Variants in PRAMEF15 observed in about 807,000 individuals in gnomAD.
PRAMEF15 encodes the protein PRAME family member 9/15.
PRAMEF15 carries 21 observed loss-of-function variants against 35.3 expected under a neutral mutation model. That is an observed-to-expected ratio of 0.59 (90% CI 0.42 to 0.86). PRAMEF15 has a LOEUF of 0.86. Ranked by LOEUF, PRAMEF15 falls within the 40% of genes least tolerant of loss-of-function variation. The pLI is 0.00. For synonymous variants in PRAMEF15, 122 were observed against 223.3 expected, an observed-to-expected ratio of 0.55 and a Z score of 4.05; for missense variants, 360 against 574.1, an observed-to-expected ratio of 0.63 and a Z score of 3.81.
At chr1:13,317,675 G>A (rs1279282624) in intron 1 of PRAMEF15, among the ~76,000 whole-genome samples, 1 of 151,666 alleles carries the variant, frequency 6.6e-6, no homozygotes, top group South Asian at 2.1e-4. Flanking sequence ...AACTTGGGAG[G>A]CTGAGGAGGA....
In PRAMEF15 at chr1:13,317,229, C is replaced by A. The variant is rs1326606377; in HGVS notation, c.-16-1163C>A. Among the ~76,000 whole-genome samples, 169 of 151,698 alleles carry A rather than the reference C, an allele frequency of 1.1e-3. 1 individual carries two copies. The Middle Eastern group carries it at 0.02, about 18-fold the overall frequency. ...GGACTACAGGCGCAGACCACTGCAC[C>A]TGGCTAATTTTTGCTGTCTTAGTAG... On this transcript the variant is annotated intron_variant, in intron 1 of 3. Coordinates refer to ENST00000376152, the MANE Select transcript of PRAMEF15 (RefSeq NM_001098376.3).
intron 3 of PRAMEF15, 144 bp downstream of exon 3, chr1:13,320,097 C>T: frequency 6.5e-7 from 1 of 1,543,966 alleles, no homozygotes; most frequent in Non-Finnish European, 8.7e-7. Context: ...CTGTTGGTGG[C>T]CCTGTCCTGA....
chr1:13,316,794 AG>A (rs1189370877), intron 1 of PRAMEF15, among the ~76,000 whole-genome samples: 1 of 151,818 alleles, frequency 6.6e-6, no homozygotes, highest in African/African-American at 2.4e-5. Flanking sequence ...GATGTGGCCA[AG>A]GATCCCTCAA....
rs1349596593 is a variant in PRAMEF15, at chr1:13,321,755, G to C, written c.928G>C (p.Glu310Gln). ...VLTITNCVLL[E>Q]SDLKHLSQCP... is the part of the protein sequence containing the mutation. ...CACAATAACTAACTGTGTGCTTTTG[G>C]AATCAGACTTGAAGCATCTATCCCA... is the stretch of plus-strand genomic sequence containing the variant. Residue 310 changes from glutamate (E) to glutamine (Q), a missense_variant, in exon 4 of 4, where the codon GAA (glutamate) becomes CAA (glutamine). Transcript: ENST00000376152. 6.2e-7 allele frequency: 1 copy of C among 1,609,140 alleles called. No individual in the cohort carries two copies. Among genetic ancestry groups the C allele is most frequent in the Non-Finnish European group, 8.5e-7 (1 of 1,177,918 alleles).
intron 1 of PRAMEF15, among the ~76,000 whole-genome samples, chr1:13,317,665 A>T (rs1553184829): frequency 0.046 from 6,886 of 150,150 alleles, 288 homozygotes; most frequent in East Asian, 0.24. Context: ...TGGTCCCAGC[A>T]ACTTGGGAGG....
intron 1 of PRAMEF15, among the ~76,000 whole-genome samples, chr1:13,318,054 T>C (rs1640029583): frequency 6.6e-6 from 1 of 152,068 alleles, no homozygotes; most frequent in Admixed American, 6.6e-5. Flanking sequence ...GACACTCCCA[T>C]TCCCATTGTT....
At position 13,319,353 on chromosome 1, in the gene PRAMEF15, C is replaced by T. The variant is rs4093538; in HGVS notation, c.294-19C>T. 468 of 1,608,520 alleles carry T rather than the reference C, an allele frequency of 2.9e-4. 6 individuals carry two copies. The African/African-American group carries it at 4.7e-3, about 16-fold the overall frequency. Reference sequence around the variant, plus strand: ...AAATGAGTTCTTAAATTCTCAGTCTCACCTCTATTTTGCCACAGGAGGTGG... The same window carrying T: ...AAATGAGTTCTTAAATTCTCAGTCTTACCTCTATTTTGCCACAGGAGGTGG... On this transcript the variant is annotated intron_variant, in intron 2 of 3. Transcript: ENST00000376152.
chr1:13,322,032 G>A lies in PRAMEF15; in HGVS notation c.1205G>A (p.Ser402Asn). Residue 402 changes from serine (S) to asparagine (N), a missense_variant, in exon 4 of 4, where the codon AGC (serine) becomes AAC (asparagine). This residue lies in a region of PRAMEF15 where 147 missense variants were observed against 123.5 expected (regional missense o/e 1.19). Transcript: ENST00000376152. ...ICMATLENLL[S>N]HTIILKNLCV... ...ATGGCCACCCTGGAGAACCTGCTGA[G>A]CCACACAATCATACTCAAAAACTTA... The A allele has an allele frequency of 6.2e-7, 1 of 1,609,924 alleles. No homozygotes were observed. Among genetic ancestry groups the A allele is most frequent in the Non-Finnish European group, 8.5e-7 (1 of 1,178,934 alleles).
chr1:13,319,012 T>A (rs1481789946), intron 2 of PRAMEF15, among the ~76,000 whole-genome samples: 1 of 151,804 alleles, frequency 6.6e-6, no homozygotes, highest in Admixed American at 6.6e-5. Flanking sequence ...CTGTCCAACA[T>A]GGTAAACCCC....
intron 1 of PRAMEF15, among the ~76,000 whole-genome samples, chr1:13,315,930 T>G (rs1453912147): frequency 6.6e-6 from 1 of 151,650 alleles, no homozygotes; most frequent in African/African-American, 2.4e-5. Context: ...GAGGCCAAAG[T>G]GGGAGGATCA....
intron 1 of PRAMEF15, among the ~76,000 whole-genome samples, chr1:13,317,111 C>A (rs1219273102): frequency 1.3e-5 from 2 of 151,622 alleles, no homozygotes; most frequent in East Asian, 2.0e-4. Context: ...AGCCTATTCC[C>A]CAGGCTGGAG....
chr1:13,318,097 A>G (rs1351940380), intron 1 of PRAMEF15, among the ~76,000 whole-genome samples: 16 of 152,016 alleles, frequency 1.1e-4, no homozygotes, highest in Non-Finnish European at 1.6e-4. Flanking sequence ...ATTTCCCCCA[A>G]TGGTAGGAGG....
In PRAMEF15 at chr1:13,322,078, C is replaced by G; in HGVS notation, c.1251C>G (p.Ala417=). Residue 417 remains alanine (A), a synonymous_variant, in exon 4 of 4, where the codon GCC becomes GCG. Transcript: ENST00000376152. The part of the protein sequence containing the change: ...LKNLCVELYP[A]PRESYGADGT... Reference sequence around the variant, plus strand: ...ACTTATGTGTGGAGCTGTATCCTGCCCCCCGAGAGAGTTATGGTGCTGATG... The same window carrying G: ...ACTTATGTGTGGAGCTGTATCCTGCGCCCCGAGAGAGTTATGGTGCTGATG... 1.2e-6 allele frequency: 2 copies of G among 1,609,026 alleles called. No homozygotes were observed. The highest frequency in any genetic ancestry group is 1.3e-5 in the African/African-American group (1 of 74,686).
intron 3 of PRAMEF15, among the ~76,000 whole-genome samples, chr1:13,321,396 G>T (rs1357710547): frequency 6.6e-6 from 1 of 151,470 alleles, no homozygotes; most frequent in East Asian, 1.9e-4. Flanking sequence ...TGGATTTTTA[G>T]TAGAGAGGAG....
At chr1:13,321,629 T>A in intron 3 of PRAMEF15, 74 bp from the exon 4 acceptor site, 3 of 1,483,326 alleles carry the variant, frequency 2.0e-6, no homozygotes, top group Non-Finnish European at 1.9e-6. Context: ...ATCCATTACC[T>A]TGAAGCCATT....
intron 1 of PRAMEF15, among the ~76,000 whole-genome samples, chr1:13,317,261 G>A (rs1164976722): frequency 1.3e-5 from 2 of 151,664 alleles, no homozygotes; most frequent in African/African-American, 4.9e-5. Context: ...GTAGAGGCAG[G>A]GTTTTACCAT....
chr1:13,315,591 T>C lies in PRAMEF15; in HGVS notation c.-84T>C, dbSNP rs1639991881. ...AGACCCACAGGAGAGACCCAAAGTC[T>C]TCAAGCCTGGAGTTCCTGCTTGGTT... On this transcript the variant is annotated 5_prime_UTR_variant, in exon 1 of 4. Coordinates refer to ENST00000376152, the MANE Select transcript of PRAMEF15 (RefSeq NM_001098376.3). The C allele has an allele frequency of 6.6e-6, 1 of 151,078 alleles. No individual in the cohort carries two copies. The highest frequency in any genetic ancestry group is 2.1e-4 in the South Asian group (1 of 4,802). The allele number at this position is 151,078 out of a possible 1,614,324, so 9.4% of individuals were successfully genotyped here.
At position 13,319,896 on chromosome 1, in the gene PRAMEF15, A is replaced by G; in HGVS notation, c.818A>G (p.Gln273Arg). The G allele has an allele frequency of 6.2e-7, 1 of 1,608,354 alleles. No homozygotes were observed. The highest frequency in any genetic ancestry group is 2.2e-5 in the East Asian group (1 of 44,898). Residue 273 changes from glutamine to arginine, a missense_variant, in exon 3 of 4, where the codon CAA (glutamine) becomes CGA (arginine). This residue lies in a region of PRAMEF15 where 36 missense variants were observed against 164.8 expected (regional missense o/e 0.22). Transcript: ENST00000376152. ...TTQFLKLRCL[Q>R]KLYMNSVSFL... ...CAGTTCCTCAAGCTGCGCTGCCTCC[A>G]AAAGCTTTATATGAACTCTGTTTCT... is the stretch of plus-strand genomic sequence containing the variant.
chr1:13,321,777 C>T lies in PRAMEF15; in HGVS notation c.950C>T (p.Ser317Phe). The T allele has an allele frequency of 6.2e-6, 10 of 1,609,162 alleles. No individual in the cohort carries two copies. In the South Asian group the frequency reaches 8.8e-5, roughly 14 times the overall value. Residue 317 changes from serine (S) to phenylalanine (F), a missense_variant, in exon 4 of 4, where the codon TCC becomes TTC. Coordinates refer to ENST00000376152, the MANE Select transcript of PRAMEF15 (RefSeq NM_001098376.3). ...VLLESDLKHL[S>F]QCPSISQLKT... ...TTGGAATCAGACTTGAAGCATCTAT[C>T]CCAGTGCCCGAGTATCAGTCAACTA... is the stretch of plus-strand genomic sequence containing the variant.
Sources: allele counts gnomAD v4.1 joint callset (sites outside exome capture counted in the v4.1 genomes callset), GRCh38; gene constraint gnomAD v4.1.1; regional missense constraint gnomAD v4.1.1; transcripts MANE v1.5; gene names NCBI Gene and HGNC (gene_info 2026-07-23, HGNC 2026-07-21).